The following KCTD10 variants were observed in gnomAD, a reference collection of about 807,000 sequenced individuals.
The protein encoded by KCTD10 is potassium channel tetramerization domain containing 10.
In KCTD10, 13 loss-of-function variants were observed where a neutral mutation model predicts 34.6. The observed-to-expected ratio is 0.38, with a 90% confidence interval of 0.24 to 0.60. The LOEUF (loss-of-function observed/expected upper bound fraction) is 0.60. Among genes scored for constraint, KCTD10 ranks in the 20% least tolerant of loss-of-function variants. KCTD10 has a pLI of 0.66. For synonymous variants in KCTD10, 156 were observed against 168.8 expected (o/e 0.92, Z 0.59); for missense variants, 256 against 420.3 (o/e 0.61, Z 3.42).
At chr12:109,465,904 G>T (rs909028091) in intron 2 of KCTD10, among the ~76,000 whole-genome samples, 3 of 152,156 alleles carry the variant, frequency 2.0e-5, no homozygotes, top group Non-Finnish European at 2.9e-5. Context: ...AAATACATTA[G>T]CAAGACATCA....
chr12:109,462,585 G>C (rs931785516), intron 2 of KCTD10, among the ~76,000 whole-genome samples: 4 of 152,212 alleles, frequency 2.6e-5, no homozygotes, highest in African/African-American at 9.6e-5. Flanking sequence ...TCCAGGGCCA[G>C]TAAGCACAAT....
Position 109,458,068 on chromosome 12 carries a change from G to T in KCTD10, c.398C>A (p.Thr133Asn). The T allele has an allele frequency of 1.2e-6, 2 of 1,614,000 alleles. No individual in the cohort carries two copies. The highest frequency in any genetic ancestry group is 1.7e-6 in the Non-Finnish European group (2 of 1,179,866). ...AGGGACCTTGCAGAAAGGCTCATAA[G>T]TATCTTTGTTCTGCTGGAACAAAAC... ...ECQAALQNKD[T>N]YEPFCKVPVI... Residue 133 changes from threonine (T) to asparagine (N), a missense_variant, in exon 4 of 7, where the codon ACT becomes AAT. Thr to Asn is a moderately conservative substitution (Grantham distance 65, BLOSUM62 0). This residue lies in a region of KCTD10 where 155 missense variants were observed against 207.0 expected (regional missense o/e 0.75). Coordinates refer to ENST00000228495, the MANE Select transcript of KCTD10 (RefSeq NM_031954.5).
intron 5 of KCTD10, chr12:109,456,542 G>GC (rs1278771769): frequency 7.3e-6 from 4 of 551,462 alleles, no homozygotes; most frequent in Admixed American, 5.9e-5. Flanking sequence ...TGGCAGACAC[G>GC]CCCCCCAAAA....
At chr12:109,472,002 G>A (rs1456050022) in intron 1 of KCTD10, among the ~76,000 whole-genome samples, 1 of 152,138 alleles carries the variant, frequency 6.6e-6, no homozygotes. Flanking sequence ...CCTGGAAATT[G>A]CTCTGGGTGA....
At position 109,467,261 on chromosome 12, in the gene KCTD10, C is replaced by T. The variant is rs183039701; in HGVS notation, c.217+2254G>A. On this transcript the variant is annotated intron_variant, in intron 2 of 6. Transcript: ENST00000228495. ...AAGCATTTCACCTCTGAAATGGGGA[C>T]TCCTCACTTGGAATGGCAACAACAG... Among the ~76,000 whole-genome samples, 100 of 152,334 alleles carry T rather than the reference C, an allele frequency of 6.6e-4. 1 individual carries two copies. The highest frequency in any genetic ancestry group is 2.5e-3 in the Admixed American group (38 of 15,304).
intron 1 of KCTD10, among the ~76,000 whole-genome samples, chr12:109,475,737 CTG>C (rs1259555157): frequency 2.6e-5 from 4 of 152,190 alleles, no homozygotes; most frequent in African/African-American, 9.7e-5. Context: ...TTAAGAAACA[CTG>C]TATTGAGGCT....
Position 109,451,873 on chromosome 12 carries a change from G to T in KCTD10, c.724-60C>A, listed in dbSNP as rs1872791644. The stretch of plus-strand genomic sequence containing the variant: ...TGGCCCACCCCCTCTGCCAACACCT[G>T]GACTTTAAGCAGGGCCGCCAGGCTA... On this transcript the variant is annotated intron_variant, in intron 6 of 6. Coordinates refer to ENST00000228495, the MANE Select transcript of KCTD10 (RefSeq NM_031954.5). This position sits in a 1 kb window ranked among gnomAD's most constrained non-coding sequence, Gnocchi z 5.0. The T allele has an allele frequency of 6.8e-7, 1 of 1,464,162 alleles. No individual in the cohort carries two copies. The highest frequency in any genetic ancestry group is 1.4e-5 in the African/African-American group (1 of 71,186). 90.7% of individuals were successfully genotyped at this position (1,464,162 alleles called of 1,614,324 possible).
chr12:109,471,712 G>A (rs1274048636), intron 1 of KCTD10, among the ~76,000 whole-genome samples: 1 of 152,170 alleles, frequency 6.6e-6, no homozygotes, highest in African/African-American at 2.4e-5. Context: ...CTCGAAGGGG[G>A]GGAGAAAAGG....
At chr12:109,474,620 A>G (rs1242128059) in intron 1 of KCTD10, among the ~76,000 whole-genome samples, 1 of 152,050 alleles carries the variant, frequency 6.6e-6, no homozygotes, top group East Asian at 1.9e-4. Context: ...AAAGCACTGT[A>G]CCCCTTATTT....
At chr12:109,457,415 A>G (rs1208874828) in intron 5 of KCTD10, 4 of 493,798 alleles carry the variant, frequency 8.1e-6, no homozygotes, top group Non-Finnish European at 1.5e-5. Flanking sequence ...TGTGAATATA[A>G]TAATAACTGT....
chr12:109,456,688 C>A (rs895290843), intron 5 of KCTD10: 4 of 306,906 alleles, frequency 1.3e-5, no homozygotes, highest in African/African-American at 2.2e-5. Context: ...AAGGGAGACT[C>A]TATATCCTAG....
At chr12:109,474,184 A>G (rs1052171242) in intron 1 of KCTD10, among the ~76,000 whole-genome samples, 4 of 151,994 alleles carry the variant, frequency 2.6e-5, no homozygotes, top group Non-Finnish European at 4.4e-5. Flanking sequence ...CAAAGTGCTG[A>G]GATTACAGGC....
rs1312677854 is a variant in KCTD10, at chr12:109,457,650, G to A, written c.507C>T (p.Asn169=). The A allele has an allele frequency of 3.7e-6, 6 of 1,614,096 alleles. No homozygotes were observed. The South Asian group carries it at 5.5e-5, about 15-fold the overall frequency. Residue 169 remains asparagine (N), a synonymous_variant, in exon 5 of 7, where the codon AAC becomes AAT. Transcript: ENST00000228495. ...CTTACCTGGTATATGAGTATTTGTT[G>A]TTACTTCTGTTGTAGAGCAACTTCA... is the stretch of plus-strand genomic sequence containing the variant. ...PAVKLLYNRS[N]NKYSYTSNSD...
chr12:109,455,170 CA>C (rs529945062), intron 6 of KCTD10, among the ~76,000 whole-genome samples: 74 of 152,218 alleles, frequency 4.9e-4, no homozygotes, highest in African/African-American at 1.7e-3. Flanking sequence ...CAGTGTTTAG[CA>C]CTTCTTGGCT....
intron 2 of KCTD10, among the ~76,000 whole-genome samples, chr12:109,468,269 C>T (rs2135674559): frequency 6.6e-6 from 1 of 152,282 alleles, no homozygotes; most frequent in East Asian, 1.9e-4. Flanking sequence ...GAGGAATGTC[C>T]TCACCAGTGG....
At chr12:109,472,447 A>T (rs1248241347) in intron 1 of KCTD10, among the ~76,000 whole-genome samples, 1 of 152,114 alleles carries the variant, frequency 6.6e-6, no homozygotes, top group Non-Finnish European at 1.5e-5. Context: ...CATCTCCCGT[A>T]AGAATCCCTT....
In KCTD10 at chr12:109,451,512, G is replaced by A; in HGVS notation, c.*83C>T. ...CCAGGCTCCAAGGGAAGCAGAAGGG[G>A]CCCGGCAGCCTGCACAGGATCTGGG... On this transcript the variant is annotated 3_prime_UTR_variant, in exon 7 of 7. Transcript: ENST00000228495. This position sits in a 1 kb window ranked among gnomAD's most constrained non-coding sequence, Gnocchi z 5.0. The A allele has an allele frequency of 6.0e-6, 8 of 1,324,428 alleles. No homozygotes were observed. The South Asian group carries it at 1.1e-4, about 19-fold the overall frequency. The allele number at this position is 1,324,428 out of a possible 1,614,324, so 82.0% of individuals were successfully genotyped here.
intron 1 of KCTD10, among the ~76,000 whole-genome samples, chr12:109,473,668 T>C (rs538458321): frequency 1.3e-5 from 2 of 152,162 alleles, no homozygotes; most frequent in South Asian, 4.2e-4. Context: ...GCAGCATTCG[T>C]GTCCTTGAGC....
rs1241841350 is a variant in KCTD10, at chr12:109,449,224, G to GCTGT, written c.*2367_*2370dup. On this transcript the variant is annotated 3_prime_UTR_variant, in exon 7 of 7. Coordinates refer to ENST00000228495, the MANE Select transcript of KCTD10 (RefSeq NM_031954.5). Reference sequence around the variant, plus strand: ...AATAACAGAGCTTGGACCAGCCAATGCTGTCTATTCACTCATGGCTATAAT... The same window carrying GCTGT: ...AATAACAGAGCTTGGACCAGCCAATGCTGTCTGTCTATTCACTCATGGCTATAAT... 5 of 152,216 alleles carry GCTGT rather than the reference G, an allele frequency of 3.3e-5. No individual in the cohort carries two copies. The highest frequency in any genetic ancestry group is 1.2e-4 in the African/African-American group (5 of 41,454). The allele number at this position is 152,216 out of a possible 1,614,324, so 9.4% of individuals were successfully genotyped here.
Sources: gnomAD v4.1 joint callset for allele counts (sites outside exome capture counted in the v4.1 genomes callset) on GRCh38, gnomAD v4.1.1 for gene constraint, gnomAD v4.1.1 regional missense constraint, Gnocchi (gnomAD v3.1) non-coding constraint, MANE v1.5 for transcripts, NCBI Gene and HGNC (gene_info 2026-07-23, HGNC 2026-07-21) for gene names.